FAM78B: variants seen among roughly 807,000 people sequenced by gnomAD.
FAM78B encodes the protein family with sequence similarity 78 member B.
In FAM78B, 10 loss-of-function variants were observed where a neutral mutation model predicts 20.0. The observed-to-expected ratio is 0.50, with a 90% CI of 0.31 to 0.85. The LOEUF is 0.85. Ranked by LOEUF, FAM78B falls within the 40% of genes least tolerant of loss-of-function variation. The pLI is 0.05. For synonymous variants in FAM78B, 135 were observed against 132.8 expected (o/e 1.02, Z -0.12); for missense variants, 283 against 345.0 (o/e 0.82, Z 1.42).
chr1:166,074,384 C>G (rs985748025), intron 1 of FAM78B, among the ~76,000 whole-genome samples: 1 of 152,164 alleles, frequency 6.6e-6, no homozygotes, highest in Non-Finnish European at 1.5e-5. Flanking sequence ...CTTCCATGCA[C>G]TCATAGATAT....
At chr1:166,058,931 G>C (rs1651465099) in exon 3 of FAM78B, 1 of 152,494 alleles carries the variant, frequency 6.6e-6, no homozygotes, top group Non-Finnish European at 1.5e-5. Flanking sequence ...GGACTTGCTG[G>C]GGGAGCACTG....
At chr1:166,070,807 G>A (rs183525890) in intron 1 of FAM78B, 44 bp from the exon 2 acceptor site, 1 of 1,502,620 alleles carries the variant, frequency 6.7e-7, no homozygotes, top group Admixed American at 2.2e-5. Context: ...GAGGCTGAAT[G>A]AATTTTTCAA....
intron 1 of FAM78B, among the ~76,000 whole-genome samples, chr1:166,124,676 G>A (rs1274517732): frequency 6.6e-6 from 1 of 152,256 alleles, no homozygotes; most frequent in Non-Finnish European, 1.5e-5. Flanking sequence ...CTCCAGGGCA[G>A]ATACTGTGAC....
intron 1 of FAM78B, among the ~76,000 whole-genome samples, chr1:166,120,403 C>T (rs571910900): frequency 3.3e-5 from 5 of 152,348 alleles, no homozygotes; most frequent in Non-Finnish European, 7.3e-5. Context: ...CAGTTGCGGG[C>T]TGACCGTGCC....
chr1:166,066,059 T>G (rs559169826), downstream of FAM78B, among the ~76,000 whole-genome samples: 43 of 152,340 alleles, frequency 2.8e-4, no homozygotes, highest in African/African-American at 1.0e-3. Context: ...AGCCATTGTT[T>G]CCACTGCTCA....
intron 1 of FAM78B, among the ~76,000 whole-genome samples, chr1:166,088,023 G>T (rs1442770122): frequency 6.6e-6 from 1 of 152,136 alleles, no homozygotes; most frequent in Non-Finnish European, 1.5e-5. Flanking sequence ...GGGTGGTTCA[G>T]AAGTCAGCCT....
At chr1:166,066,808 G>A (rs927344740), downstream of FAM78B, among the ~76,000 whole-genome samples, 2 of 152,200 alleles carry the variant, frequency 1.3e-5, no homozygotes, top group Non-Finnish European at 2.9e-5. Flanking sequence ...AAGGTCCACA[G>A]AATGGGAGGT....
chr1:166,164,870 C>T (rs1456667228), intron 1 of FAM78B: 1 of 152,224 alleles, frequency 6.6e-6, no homozygotes, highest in Non-Finnish European at 1.5e-5. Flanking sequence ...AGGCTGCAGA[C>T]TGGCTAATTA....
intron 1 of FAM78B, among the ~76,000 whole-genome samples, chr1:166,090,925 A>G (rs1166381350): frequency 6.6e-6 from 1 of 152,194 alleles, no homozygotes; most frequent in Non-Finnish European, 1.5e-5. Context: ...AATCCTCACA[A>G]CAACCCAGTG....
At chr1:166,119,093 G>A (rs1412090729) in intron 1 of FAM78B, among the ~76,000 whole-genome samples, 1 of 152,058 alleles carries the variant, frequency 6.6e-6, no homozygotes, top group Admixed American at 6.5e-5. Flanking sequence ...AGAGAGGAGT[G>A]GAAGGCAGAG....
chr1:166,084,633 C>T (rs996977955), intron 1 of FAM78B, among the ~76,000 whole-genome samples: 5 of 152,186 alleles, frequency 3.3e-5, no homozygotes, highest in African/African-American at 7.2e-5. Context: ...TGTAAGGCTC[C>T]CAGGGATTCA....
chr1:166,147,447 G>T (rs1000472854), intron 1 of FAM78B, among the ~76,000 whole-genome samples: 3 of 152,224 alleles, frequency 2.0e-5, no homozygotes, highest in Non-Finnish European at 2.9e-5. Flanking sequence ...AACCCATAAG[G>T]ATGCTTTAGA....
intron 1 of FAM78B, among the ~76,000 whole-genome samples, chr1:166,127,912 T>C (rs1317267642): frequency 6.6e-6 from 1 of 152,156 alleles, no homozygotes; most frequent in Non-Finnish European, 1.5e-5. Context: ...ACATAATTAC[T>C]TGGCACACAC....
chr1:166,150,071 T>C (rs182664827), intron 1 of FAM78B, among the ~76,000 whole-genome samples: 4 of 152,210 alleles, frequency 2.6e-5, no homozygotes, highest in African/African-American at 9.6e-5. Context: ...CGGACTCTGA[T>C]ACTGCATAGG....
intron 1 of FAM78B, among the ~76,000 whole-genome samples, chr1:166,153,198 G>A (rs1655751008): frequency 6.6e-6 from 1 of 152,180 alleles, no homozygotes; most frequent in Admixed American, 6.5e-5. Context: ...TCCAAGGGTG[G>A]AGAACAGCTT....
intron 1 of FAM78B, among the ~76,000 whole-genome samples, chr1:166,118,231 C>T (rs1654330189): frequency 6.6e-6 from 1 of 152,140 alleles, no homozygotes; most frequent in African/African-American, 2.4e-5. Context: ...AGGCTCTTTG[C>T]AGAATACAGA....
At chr1:166,106,336 C>T (rs1253775974) in intron 1 of FAM78B, among the ~76,000 whole-genome samples, 1 of 147,272 alleles carries the variant, frequency 6.8e-6, no homozygotes, top group Non-Finnish European at 1.5e-5. Flanking sequence ...GCACATGTAC[C>T]CTAAAACTTA....
chr1:166,109,380 T>G (rs145692030), intron 1 of FAM78B, among the ~76,000 whole-genome samples: 29 of 152,182 alleles, frequency 1.9e-4, no homozygotes, highest in African/African-American at 7.0e-4. Flanking sequence ...AAAGAGGATA[T>G]ACAAATGGCC....
intron 1 of FAM78B, among the ~76,000 whole-genome samples, chr1:166,118,630 A>C (rs1048710064): frequency 3.9e-5 from 6 of 152,142 alleles, no homozygotes; most frequent in African/African-American, 1.4e-4. Flanking sequence ...CTATCACGGC[A>C]GAGCTGAGTG....
Sources: allele counts gnomAD v4.1 joint callset (sites outside exome capture counted in the v4.1 genomes callset), GRCh38; gene constraint gnomAD v4.1.1; transcripts MANE v1.5; gene names NCBI Gene and HGNC (gene_info 2026-07-23, HGNC 2026-07-21).